Variants in PVT1 observed in about 807,000 individuals in gnomAD.
PVT1 encodes the protein Pvt1 oncogene.
At chr8:127,850,521 T>C (rs376363563) in intron 2 of PVT1, among the ~76,000 whole-genome samples, 1 of 148,456 alleles carries the variant, frequency 6.7e-6, no homozygotes, top group East Asian at 2.0e-4. Flanking sequence ...CTGTGGTTTG[T>C]ATAGTAAGAC....
At chr8:128,031,827 G>A (rs1813393804) in intron 4 of PVT1, among the ~76,000 whole-genome samples, 1 of 152,174 alleles carries the variant, frequency 6.6e-6, no homozygotes, top group Non-Finnish European at 1.5e-5. Flanking sequence ...ACTTTCTTAA[G>A]ATCTCACAGC....
intron 4 of PVT1, among the ~76,000 whole-genome samples, chr8:128,025,504 C>T (rs1222005869): frequency 2.0e-5 from 3 of 152,160 alleles, no homozygotes; most frequent in African/African-American, 4.8e-5. Flanking sequence ...TCCAGCTCAC[C>T]CCAGGCACCC....
At chr8:128,031,550 G>A (rs146966304) in intron 4 of PVT1, among the ~76,000 whole-genome samples, 14 of 152,302 alleles carry the variant, frequency 9.2e-5, no homozygotes, top group African/African-American at 3.4e-4. Context: ...CTGACTGGAT[G>A]AGTCCAAACT....
At chr8:127,847,586 GT>G (rs1314551844) in intron 2 of PVT1, among the ~76,000 whole-genome samples, 1 of 152,232 alleles carries the variant, frequency 6.6e-6, no homozygotes, top group Non-Finnish European at 1.5e-5. Flanking sequence ...TCAAACATCT[GT>G]GAGTTGAAGA....
chr8:128,001,625 C>T (rs7460502), intron 4 of PVT1, among the ~76,000 whole-genome samples: 47,635 of 152,040 alleles, frequency 0.31, 7,843 homozygotes, highest in East Asian at 0.51. Flanking sequence ...GAAAACAGTC[C>T]TCCTTCCATG....
At chr8:127,899,692 T>C (rs1158815534) in intron 3 of PVT1, among the ~76,000 whole-genome samples, 1 of 152,134 alleles carries the variant, frequency 6.6e-6, no homozygotes, top group Non-Finnish European at 1.5e-5. Flanking sequence ...AGTGAGGGCA[T>C]AGAGCACATT....
At chr8:128,014,156 C>T (rs6985840) in intron 4 of PVT1, among the ~76,000 whole-genome samples, 3,938 of 152,254 alleles carry the variant, frequency 0.026, 84 homozygotes, top group Middle Eastern at 0.054. Flanking sequence ...GGGAATGTGT[C>T]TTTTTTGCAT....
intron 4 of PVT1, among the ~76,000 whole-genome samples, chr8:128,044,538 C>G (rs1284883479): frequency 1.3e-5 from 2 of 152,202 alleles, no homozygotes; most frequent in African/African-American, 4.8e-5. Flanking sequence ...AGCCCATGCT[C>G]TAATCTAAAT....
chr8:128,016,247 A>G (rs1029556313), intron 4 of PVT1, among the ~76,000 whole-genome samples: 3 of 151,978 alleles, frequency 2.0e-5, no homozygotes, highest in Middle Eastern at 3.2e-3. Context: ...ATTGCACTCC[A>G]GCCTGGGCAA....
intron 3 of PVT1, chr8:127,947,781 T>C: frequency 2.2e-6 from 1 of 456,514 alleles, no homozygotes. Flanking sequence ...TTCTGAATCT[T>C]GTGAAATAGT....
chr8:128,078,831 G>A (rs554846934), intron 5 of PVT1, among the ~76,000 whole-genome samples: 1 of 152,224 alleles, frequency 6.6e-6, no homozygotes, highest in South Asian at 2.1e-4. Flanking sequence ...TGTTGCCTAG[G>A]CTGCCATGCA....
chr8:128,071,946 T>A (rs1814002092), intron 5 of PVT1, among the ~76,000 whole-genome samples: 1 of 152,136 alleles, frequency 6.6e-6, no homozygotes, highest in Non-Finnish European at 1.5e-5. Context: ...TACCTTAGCT[T>A]TCTCATTTCT....
At chr8:127,886,622 T>C (rs1422977180) in intron 2 of PVT1, among the ~76,000 whole-genome samples, 1 of 100,976 alleles carries the variant, frequency 9.9e-6, no homozygotes, top group African/African-American at 5.3e-5. Context: ...TTGTTTCAGA[T>C]TTTTTTTTTA....
At chr8:127,806,152 A>G (rs553113427) in intron 2 of PVT1, among the ~76,000 whole-genome samples, 2 of 152,332 alleles carry the variant, frequency 1.3e-5, no homozygotes, top group South Asian at 4.1e-4. Flanking sequence ...AGATAGGACC[A>G]TGCAGTGCTC....
chr8:127,879,815 C>T (rs908377752), intron 2 of PVT1, among the ~76,000 whole-genome samples: 4 of 152,230 alleles, frequency 2.6e-5, no homozygotes, highest in African/African-American at 9.6e-5. Context: ...GACAATGCGC[C>T]AGCACCCACC....
intron 3 of PVT1, among the ~76,000 whole-genome samples, chr8:127,937,874 C>A (rs1318451990): frequency 6.6e-6 from 1 of 152,178 alleles, no homozygotes; most frequent in Non-Finnish European, 1.5e-5. Context: ...ATTTTTTAGT[C>A]TCACTGCGAA....
chr8:127,993,933 A>C (rs1173446107), intron 4 of PVT1, among the ~76,000 whole-genome samples: 2 of 152,182 alleles, frequency 1.3e-5, no homozygotes, highest in Admixed American at 1.3e-4. Context: ...CAGGGAGTGA[A>C]GCTAGCTTCA....
chr8:127,851,084 A>G (rs763337416), intron 2 of PVT1, among the ~76,000 whole-genome samples: 3 of 152,250 alleles, frequency 2.0e-5, no homozygotes, highest in African/African-American at 4.8e-5. Flanking sequence ...TAAGCATTTT[A>G]TATTAAAACA....
intron 3 of PVT1, among the ~76,000 whole-genome samples, chr8:127,984,795 CAG>C (rs1193911503): frequency 6.6e-6 from 1 of 151,874 alleles, no homozygotes; most frequent in African/African-American, 2.4e-5. Flanking sequence ...TTAGTGGAGA[CAG>C]GGGTCTCGCC....
Sources: allele counts gnomAD v4.1 joint callset (sites outside exome capture counted in the v4.1 genomes callset), GRCh38; gene constraint gnomAD v4.1.1; transcripts MANE v1.5; gene names NCBI Gene and HGNC (gene_info 2026-07-23, HGNC 2026-07-21).